Variants in RBMS3 observed in about 807,000 individuals in gnomAD.
RBMS3 encodes RNA binding motif single stranded interacting protein 3, also known as RNA-binding motif, single-stranded-interacting protein 3.
Under a neutral mutation model 66.8 loss-of-function variants are expected in RBMS3, and 27 were observed. That is an observed-to-expected ratio of 0.40 (90% CI 0.30 to 0.56). RBMS3 has a LOEUF of 0.56. Among genes scored for constraint, RBMS3 ranks in the 20% least tolerant of loss-of-function variants. RBMS3 has a pLI of 0.40. For synonymous variants in RBMS3, 188 were observed against 183.0 expected (o/e 1.03, Z -0.22); for missense variants, 513 against 549.5 (o/e 0.93, Z 0.66).
intron 6 of RBMS3, among the ~76,000 whole-genome samples, chr3:29,840,459 G>T (rs1445801075): frequency 1.3e-5 from 2 of 151,936 alleles, no homozygotes; most frequent in East Asian, 1.9e-4. Context: ...ATAAAACACG[G>T]CTAAATTTTC....
intron 6 of RBMS3, among the ~76,000 whole-genome samples, chr3:29,847,903 G>C (rs1308501737): frequency 6.6e-6 from 1 of 152,094 alleles, no homozygotes; most frequent in African/African-American, 2.4e-5. Flanking sequence ...TGATCCGCCC[G>C]CCTCGGCCTT....
chr3:29,939,812 C>G (rs983107301), intron 11 of RBMS3, among the ~76,000 whole-genome samples: 2 of 151,786 alleles, frequency 1.3e-5, no homozygotes, highest in African/African-American at 4.8e-5. Context: ...TCTCAGTCCC[C>G]AATACTAACC....
intron 4 of RBMS3, among the ~76,000 whole-genome samples, chr3:29,615,437 G>C (rs1276978297): frequency 6.6e-6 from 1 of 151,508 alleles, no homozygotes; most frequent in South Asian, 2.1e-4. Context: ...AATTTAATGA[G>C]ATTATCTATA....
chr3:29,284,820 T>A (rs1266952117), intron 1 of RBMS3, among the ~76,000 whole-genome samples: 1 of 149,564 alleles, frequency 6.7e-6, no homozygotes, highest in African/African-American at 2.5e-5. Context: ...CTCACGTCTT[T>A]AAAAAGTTGT....
intron 4 of RBMS3, among the ~76,000 whole-genome samples, chr3:29,734,174 A>G (rs145210228): frequency 2.0e-5 from 3 of 152,214 alleles, no homozygotes; most frequent in South Asian, 2.1e-4. Flanking sequence ...GTTCTCACTC[A>G]TATGCAGGAG....
intron 4 of RBMS3, among the ~76,000 whole-genome samples, chr3:29,629,013 C>T (rs2049176279): frequency 6.6e-6 from 1 of 152,026 alleles, no homozygotes; most frequent in African/African-American, 2.4e-5. Flanking sequence ...GGTTTTCTTC[C>T]AAACCACCCA....
chr3:29,987,550 G>C (rs1268434512), intron 12 of RBMS3, among the ~76,000 whole-genome samples: 1 of 152,090 alleles, frequency 6.6e-6, no homozygotes, highest in Non-Finnish European at 1.5e-5. Context: ...AATGAAATGG[G>C]AGAAGGGAAC....
intron 12 of RBMS3, among the ~76,000 whole-genome samples, chr3:29,957,890 A>G (rs1004007566): frequency 1.3e-5 from 2 of 152,176 alleles, no homozygotes; most frequent in East Asian, 3.9e-4. Flanking sequence ...AGATTCTTCA[A>G]TAGCCTATGT....
At chr3:29,896,469 A>T (rs1178808603) in intron 8 of RBMS3, among the ~76,000 whole-genome samples, 1 of 151,542 alleles carries the variant, frequency 6.6e-6, no homozygotes, top group African/African-American at 2.4e-5. Flanking sequence ...CTATCCTCAC[A>T]TCGCTGACAT....
At chr3:29,794,675 T>C (rs986946578) in intron 6 of RBMS3, among the ~76,000 whole-genome samples, 3 of 152,150 alleles carry the variant, frequency 2.0e-5, no homozygotes, top group Non-Finnish European at 4.4e-5. Flanking sequence ...CATGACTTTA[T>C]AACAATTTGA....
chr3:29,865,085 AAAGG>A (rs1333221930), intron 6 of RBMS3, among the ~76,000 whole-genome samples: 5 of 98,022 alleles, frequency 5.1e-5, no homozygotes, highest in Non-Finnish European at 7.5e-5. Context: ...AGGAAGGAAG[AAAGG>A]AAGGGAGGGA....
chr3:29,875,743 AT>A (rs1394896676), intron 7 of RBMS3, among the ~76,000 whole-genome samples: 2 of 152,014 alleles, frequency 1.3e-5, no homozygotes, highest in Non-Finnish European at 2.9e-5. Flanking sequence ...AGATTTTGAG[AT>A]CTTTAGATAG....
chr3:29,732,574 G>T (rs1455973336), intron 4 of RBMS3, among the ~76,000 whole-genome samples: 1 of 151,912 alleles, frequency 6.6e-6, no homozygotes, highest in Non-Finnish European at 1.5e-5. Flanking sequence ...GCTTCCATCA[G>T]TTCTCATCTA....
At chr3:29,700,868 G>GT (rs1372338719) in intron 4 of RBMS3, among the ~76,000 whole-genome samples, 1 of 151,514 alleles carries the variant, frequency 6.6e-6, no homozygotes, top group East Asian at 1.9e-4. Flanking sequence ...GCATGTGTGT[G>GT]TGTTCGTGTG....
At chr3:29,956,450 A>T (rs1696049899) in intron 12 of RBMS3, among the ~76,000 whole-genome samples, 2 of 152,078 alleles carry the variant, frequency 1.3e-5, no homozygotes, top group African/African-American at 4.8e-5. Context: ...AGGTTTGGAG[A>T]TCAAGGGCTC....
intron 1 of RBMS3, among the ~76,000 whole-genome samples, chr3:29,394,578 G>C (rs2039460406): frequency 6.6e-6 from 1 of 152,168 alleles, no homozygotes; most frequent in South Asian, 2.1e-4. Flanking sequence ...TTGCAGTAAA[G>C]ACAGGTGTAA....
chr3:29,593,501 G>T (rs566226295), intron 4 of RBMS3, among the ~76,000 whole-genome samples: 1 of 150,474 alleles, frequency 6.6e-6, no homozygotes, highest in African/African-American at 2.5e-5. Context: ...TTCGAGAGTT[G>T]TTTCCTGAGA....
chr3:29,347,142 A>G (rs1323259096), intron 1 of RBMS3, among the ~76,000 whole-genome samples: 2 of 152,318 alleles, frequency 1.3e-5, no homozygotes, highest in East Asian at 3.9e-4. Flanking sequence ...GATGAGAGAG[A>G]CAAATAATGG....
chr3:29,445,953 A>G (rs907430843), intron 2 of RBMS3, among the ~76,000 whole-genome samples: 2 of 152,202 alleles, frequency 1.3e-5, no homozygotes, highest in Non-Finnish European at 2.9e-5. Context: ...AAGTGCACTC[A>G]TCATAAGCAT....
Sources: allele counts gnomAD v4.1 joint callset (sites outside exome capture counted in the v4.1 genomes callset), GRCh38; gene constraint gnomAD v4.1.1; transcripts MANE v1.5; gene names NCBI Gene and HGNC (gene_info 2026-07-23, HGNC 2026-07-21).